The following TRIB2 variants were observed in gnomAD, a reference collection of about 807,000 sequenced individuals.
TRIB2 encodes the protein tribbles homolog 2.
TRIB2 carries 2 observed loss-of-function variants against 26.8 expected under a neutral mutation model. That is an observed-to-expected ratio of 0.07 (90% CI 0.03 to 0.24). TRIB2 has a LOEUF of 0.24. Ranked by LOEUF, TRIB2 falls within the 10% of genes least tolerant of loss-of-function variation. The pLI, the probability that TRIB2 is intolerant of heterozygous loss-of-function variation, is 1.00. For synonymous variants in TRIB2, 189 were observed against 187.3 expected (o/e 1.01, Z -0.08); for missense variants, 306 against 449.0 (o/e 0.68, Z 2.88).
In TRIB2 at chr2:12,717,673, C is replaced by T. The variant is rs1274795426; in HGVS notation, c.-635C>T. 5.1e-6 allele frequency: 2 copies of T among 393,222 alleles called. No individual in the cohort carries two copies. The highest frequency in any genetic ancestry group is 4.5e-6 in the Non-Finnish European group (1 of 223,230). 24.4% of individuals were successfully genotyped at this position (393,222 alleles called of 1,614,324 possible). ...ATCTTGGAAAAGCCTCAGACGCCAT[C>T]TACAGTTAAAACGTAGGTAACTGCC... is the stretch of plus-strand genomic sequence containing the variant. On this transcript the variant is annotated 5_prime_UTR_variant, in exon 1 of 3. Transcript: ENST00000155926. The surrounding 1 kb of genome is among the most constrained non-coding windows in gnomAD (Gnocchi z 4.8).
intron 2 of TRIB2, among the ~76,000 whole-genome samples, chr2:12,728,848 G>C (rs1661386900): frequency 6.6e-6 from 1 of 152,072 alleles, no homozygotes; most frequent in Non-Finnish European, 1.5e-5. Flanking sequence ...CTCTTTCTCA[G>C]CTCTTAGTAT....
At position 12,732,605 on chromosome 2, in the gene TRIB2, T is replaced by A. The variant is rs1024353333; in HGVS notation, c.564-7721T>A. On this transcript the variant is annotated intron_variant, in intron 2 of 2. Transcript: ENST00000155926. The surrounding 1 kb of genome is among the most constrained non-coding windows in gnomAD (Gnocchi z 4.2). ...TTGGTGCAGAGGTGGCTCTCAGAGG[T>A]GACTGTTGGAAAAGTCTGTGCATAC... 2.0e-5 allele frequency among the ~76,000 whole-genome samples: 3 copies of A among 152,148 alleles called. No individual in the cohort carries two copies. Among genetic ancestry groups the A allele is most frequent in the Non-Finnish European group, 2.9e-5 (2 of 68,030 alleles).
At chr2:12,727,846 A>G (rs1661367746) in intron 2 of TRIB2, among the ~76,000 whole-genome samples, 1 of 152,136 alleles carries the variant, frequency 6.6e-6, no homozygotes, top group African/African-American at 2.4e-5. Context: ...TGTGTGTAGT[A>G]GCGGCCACCC....
chr2:12,741,700 C>T lies in TRIB2; in HGVS notation c.*906C>T, dbSNP rs985855308. ...TGAGATTTTAGCAAGCTCCTGGAGTCTGATGCTTTTGCAGTACTCTGATCG... is the reference window on the plus strand; with the variant it reads ...TGAGATTTTAGCAAGCTCCTGGAGTTTGATGCTTTTGCAGTACTCTGATCG... On this transcript the variant is annotated 3_prime_UTR_variant, in exon 3 of 3. Transcript: ENST00000155926. 6.6e-6 allele frequency: 1 copy of T among 152,510 alleles called. No homozygotes were observed. The highest frequency in any genetic ancestry group is 1.5e-5 in the Non-Finnish European group (1 of 68,052). The allele number at this position is 152,510 out of a possible 1,614,324, so 9.4% of individuals were successfully genotyped here.
At chr2:12,735,682 C>T (rs1243426717) in intron 2 of TRIB2, among the ~76,000 whole-genome samples, 1 of 152,104 alleles carries the variant, frequency 6.6e-6, no homozygotes, top group Non-Finnish European at 1.5e-5. Context: ...CCGTTTGGTA[C>T]TTTGTAATTT....
intron 2 of TRIB2, among the ~76,000 whole-genome samples, chr2:12,739,965 T>C (rs561667874): frequency 6.1e-4 from 93 of 152,194 alleles, no homozygotes; most frequent in Non-Finnish European, 1.0e-3. Context: ...TGGTGCCCTA[T>C]CATTATGCAA....
In TRIB2 at chr2:12,723,195, CATT is replaced by C. The variant is rs1661263175; in HGVS notation, c.271-62_271-60del. On this transcript the variant is annotated intron_variant, in intron 1 of 2. Transcript: ENST00000155926. ...AAGCCCATACCTGTGGGAGGTGCAG[CATT>C]ATGTGTTTTGGTTGTACAAGAGGCA... 2.0e-6 allele frequency: 3 copies of C among 1,533,094 alleles called. No homozygotes were observed. The East Asian group carries it at 6.8e-5, about 35-fold the overall frequency. 95.0% of individuals were successfully genotyped at this position (1,533,094 alleles called of 1,614,324 possible). A position where few individuals can be genotyped will look rare whatever the true frequency, so the allele number is the denominator to read the frequency against.
chr2:12,739,037 C>T (rs1661649360), intron 2 of TRIB2, among the ~76,000 whole-genome samples: 1 of 152,002 alleles, frequency 6.6e-6, no homozygotes. Context: ...GAGGGAAAGA[C>T]TGGGGGTAGG....
chr2:12,731,811 C>G (rs918365631), intron 2 of TRIB2, among the ~76,000 whole-genome samples: 6 of 152,182 alleles, frequency 3.9e-5, no homozygotes, highest in African/African-American at 1.4e-4. Flanking sequence ...ACTCCCACCC[C>G]ACACCTGGAA....
chr2:12,718,245 C>T lies in TRIB2; in HGVS notation c.-63C>T, dbSNP rs1666644133. Reference sequence around the variant, plus strand: ...TGGCACCGAGGCGCCTGCAGCCGCACTCGCCAGCGACTCATCTCTCCAGCG... The same window carrying T: ...TGGCACCGAGGCGCCTGCAGCCGCATTCGCCAGCGACTCATCTCTCCAGCG... On this transcript the variant is annotated 5_prime_UTR_variant, in exon 1 of 3. Transcript: ENST00000155926. The surrounding 1 kb of genome is among the most constrained non-coding windows in gnomAD (Gnocchi z 4.0). 5.8e-6 allele frequency: 9 copies of T among 1,563,980 alleles called. No individual in the cohort carries two copies. The Admixed American group carries it at 1.5e-4, about 27-fold the overall frequency.
rs760868940 is a variant in TRIB2 at position 12,740,356 on chromosome 2, C to T, written c.594C>T (p.Asp198=). ...GGGTCAAGCTGGAAAGCCTGGAAGA[C>T]GCCTACATTCTGCGGGGAGATGATG... ...RTRVKLESLE[D]AYILRGDDDS... is the part of the protein sequence containing the mutation. Residue 198 remains aspartate (D), a synonymous_variant, in exon 3 of 3, where the codon GAC becomes GAT. Transcript: ENST00000155926. This position sits in a 1 kb window ranked among gnomAD's most constrained non-coding sequence, Gnocchi z 5.8. 42 of 1,613,992 alleles carry T rather than the reference C, an allele frequency of 2.6e-5. No homozygotes were observed. The highest frequency in any genetic ancestry group is 1.6e-4 in the Middle Eastern group (1 of 6,084).
intron 2 of TRIB2, among the ~76,000 whole-genome samples, chr2:12,725,825 C>T (rs748103098): frequency 8.5e-5 from 13 of 152,244 alleles, no homozygotes; most frequent in Non-Finnish European, 1.8e-4. Context: ...TATATAGTCC[C>T]TACAGCATGG....
chr2:12,720,181 G>A (rs183430076), intron 1 of TRIB2, among the ~76,000 whole-genome samples: 2 of 152,298 alleles, frequency 1.3e-5, no homozygotes, highest in Non-Finnish European at 2.9e-5. Flanking sequence ...AAAATCAGAG[G>A]TGACTCTGGC....
Position 12,724,677 on chromosome 2 carries a change from G to C in TRIB2, c.563+1125G>C, listed in dbSNP as rs531800454. The C allele has an allele frequency of 3.1e-6, 5 of 1,612,782 alleles. No individual in the cohort carries two copies. The Admixed American group carries it at 8.3e-5, about 27-fold the overall frequency. On this transcript the variant is annotated intron_variant, in intron 2 of 2. Coordinates refer to ENST00000155926, the MANE Select transcript of TRIB2 (RefSeq NM_021643.4). ...AGATGTTTCCCCTGGTTTTGCCTTCGATACCCTCTGTGATCTTGGATTGGT... is the reference window on the plus strand; with the variant it reads ...AGATGTTTCCCCTGGTTTTGCCTTCCATACCCTCTGTGATCTTGGATTGGT...
chr2:12,724,701 G>A, intron 2 of TRIB2: 1 of 1,612,782 alleles, frequency 6.2e-7, no homozygotes, highest in Non-Finnish European at 8.5e-7. Context: ...TCTTGGATTG[G>A]TCCTTCGTCT....
rs1387801319 is a variant in TRIB2, at chr2:12,718,244, A to C, written c.-64A>C. The C allele has an allele frequency of 6.4e-7, 1 of 1,562,472 alleles. No individual in the cohort carries two copies. Among genetic ancestry groups the C allele is most frequent in the African/African-American group, 1.4e-5 (1 of 72,274 alleles). On this transcript the variant is annotated 5_prime_UTR_variant, in exon 1 of 3. Coordinates refer to ENST00000155926, the MANE Select transcript of TRIB2 (RefSeq NM_021643.4). This position sits in a 1 kb window ranked among gnomAD's most constrained non-coding sequence, Gnocchi z 4.0. ...GTGGCACCGAGGCGCCTGCAGCCGC[A>C]CTCGCCAGCGACTCATCTCTCCAGC... is the stretch of plus-strand genomic sequence containing the variant.
rs1661471736 is a variant in TRIB2 at position 12,732,159 on chromosome 2, G to A, written c.564-8167G>A. ...TGTCTGCATGGGGGCGTGGGAAGGT[G>A]TTCGGGTACAATGAGACTCCCCTGT... On this transcript the variant is annotated intron_variant, in intron 2 of 2. Coordinates refer to ENST00000155926, the MANE Select transcript of TRIB2 (RefSeq NM_021643.4). This position sits in a 1 kb window ranked among gnomAD's most constrained non-coding sequence, Gnocchi z 4.2. Among the ~76,000 whole-genome samples the A allele has an allele frequency of 1.3e-5, 2 of 152,182 alleles. No individual in the cohort carries two copies. Among genetic ancestry groups the A allele is most frequent in the African/African-American group, 2.4e-5 (1 of 41,426 alleles).
At chr2:12,727,095 C>G (rs1661354430) in intron 2 of TRIB2, among the ~76,000 whole-genome samples, 1 of 152,178 alleles carries the variant, frequency 6.6e-6, no homozygotes, top group South Asian at 2.1e-4. Flanking sequence ...TCTTCTGTTT[C>G]CATTTTACTT....
intron 2 of TRIB2, among the ~76,000 whole-genome samples, chr2:12,739,783 A>G (rs1264508528): frequency 6.6e-6 from 1 of 152,204 alleles, no homozygotes; most frequent in African/African-American, 2.4e-5. Context: ...CATCTGTAAA[A>G]TGGGATGTTA....
Sources: allele counts gnomAD v4.1 joint callset (sites outside exome capture counted in the v4.1 genomes callset), GRCh38; gene constraint gnomAD v4.1.1; non-coding constraint Gnocchi (gnomAD v3.1); transcripts MANE v1.5; gene names NCBI Gene and HGNC (gene_info 2026-07-23, HGNC 2026-07-21).